MYO3A: variants seen among roughly 807,000 people sequenced by gnomAD.
MYO3A encodes myosin-IIIa.
A neutral mutation model predicts 192.7 loss-of-function variants in MYO3A; 180 were observed. The ratio of observed to expected loss-of-function variants is 0.93; its 90% confidence interval spans 0.83 to 1.06. The LOEUF (loss-of-function observed/expected upper bound fraction) is 1.06, where lower values mean the gene tolerates loss of function less well. Ranked by LOEUF, MYO3A falls within the 50% of genes least tolerant of loss-of-function variation. The probability of loss-of-function intolerance (pLI) is 0.00; values close to 1 mark genes in which losing one functional copy is unlikely to be tolerated. For synonymous variants in MYO3A, 628 were observed against 645.3 expected (o/e 0.97, Z 0.41); for missense variants, 1,896 against 1,905.0 (o/e 1.00, Z 0.09).
In MYO3A at chr10:26,128,426, A is replaced by C; in HGVS notation, c.2150A>C (p.Asp717Ala). The C allele has an allele frequency of 6.2e-7, 1 of 1,613,142 alleles. No individual in the cohort carries two copies. Among genetic ancestry groups the C allele is most frequent in the Non-Finnish European group, 8.5e-7 (1 of 1,179,330 alleles). Reference sequence around the variant, plus strand: ...GATGAGCTGAGCATTGGCATTCTTGATATATTTGGCTTTGAAAATTTCAAA... The same window carrying C: ...GATGAGCTGAGCATTGGCATTCTTGCTATATTTGGCTTTGAAAATTTCAAA... Reference protein sequence around the residue: ...NGDELSIGILDIFGFENFKKN... With the variant: ...NGDELSIGILAIFGFENFKKN... Residue 717 changes from aspartate to alanine, a missense_variant, in exon 20 of 35, where the codon GAT (aspartate) becomes GCT (alanine). Transcript: ENST00000642920.
At chr10:26,124,412 A>T (rs929270781) in intron 18 of MYO3A, among the ~76,000 whole-genome samples, 1 of 152,170 alleles carries the variant, frequency 6.6e-6, no homozygotes, top group Non-Finnish European at 1.5e-5. Context: ...AAAATGGGAA[A>T]TGCATAAGAT....
At chr10:26,195,355 A>G (rs1479843018) in intron 32 of MYO3A, among the ~76,000 whole-genome samples, 2 of 152,150 alleles carry the variant, frequency 1.3e-5, no homozygotes, top group South Asian at 2.1e-4. Context: ...CCAGGCCAGC[A>G]TGTCTTGTCA....
intron 10 of MYO3A, among the ~76,000 whole-genome samples, chr10:26,052,543 G>A (rs1844064606): frequency 6.6e-6 from 1 of 152,180 alleles, no homozygotes; most frequent in South Asian, 2.1e-4. Context: ...GGCACACCAG[G>A]GAGAGCCTGT....
intron 31 of MYO3A, among the ~76,000 whole-genome samples, chr10:26,181,408 A>G (rs1842611950): frequency 6.6e-6 from 1 of 152,220 alleles, no homozygotes; most frequent in Non-Finnish European, 1.5e-5. Flanking sequence ...GAGATTCCAA[A>G]GCATGATTAA....
At chr10:26,070,463 A>G (rs1835141185) in intron 14 of MYO3A, 62 bp downstream of exon 14, 1 of 1,350,374 alleles carries the variant, frequency 7.4e-7, no homozygotes. Context: ...AACTTAATAT[A>G]ACTGATTAGA....
chr10:26,008,078 G>A (rs1432704234), intron 6 of MYO3A, among the ~76,000 whole-genome samples: 5 of 148,712 alleles, frequency 3.4e-5, no homozygotes, highest in East Asian at 1.9e-4. Context: ...AAATAACGCC[G>A]CATATCTACA....
At chr10:25,977,330 G>A (rs1449142010) in intron 4 of MYO3A, among the ~76,000 whole-genome samples, 3 of 152,184 alleles carry the variant, frequency 2.0e-5, no homozygotes, top group Middle Eastern at 6.8e-3. Context: ...CTAAACCACT[G>A]ATCCTACTTT....
chr10:26,078,095 G>T (rs1389150844), intron 14 of MYO3A, among the ~76,000 whole-genome samples: 1 of 146,802 alleles, frequency 6.8e-6, no homozygotes, highest in East Asian at 1.9e-4. Flanking sequence ...TTTAATGTCT[G>T]GTAGAATTCT....
At chr10:26,207,382 A>G (rs1381684268) in intron 34 of MYO3A, among the ~76,000 whole-genome samples, 1 of 151,854 alleles carries the variant, frequency 6.6e-6, no homozygotes, top group Non-Finnish European at 1.5e-5. Flanking sequence ...ATTTTCTTCT[A>G]GTTTTGCAGT....
chr10:26,112,763 C>T (rs1335669453), intron 17 of MYO3A, among the ~76,000 whole-genome samples: 1 of 152,188 alleles, frequency 6.6e-6, no homozygotes, highest in Non-Finnish European at 1.5e-5. Context: ...TTCAGATATT[C>T]TCTAAAAATA....
intron 27 of MYO3A, among the ~76,000 whole-genome samples, chr10:26,167,957 CA>C: frequency 6.6e-6 from 1 of 152,210 alleles, no homozygotes; most frequent in East Asian, 1.9e-4. Flanking sequence ...AAAAGGAAAA[CA>C]AACAAAAAAC....
intron 14 of MYO3A, 45 bp from the exon 15 acceptor site, chr10:26,088,158 T>C (rs1205048971): frequency 7.0e-7 from 1 of 1,430,128 alleles, no homozygotes; most frequent in South Asian, 1.3e-5. Flanking sequence ...ATATACCAAA[T>C]TAATTTTTTA....
intron 17 of MYO3A, 84 bp downstream of exon 17, chr10:26,096,766 A>G: frequency 1.1e-6 from 1 of 913,426 alleles, no homozygotes. Flanking sequence ...AGTGATTAAT[A>G]TATACCAGCA....
At chr10:26,091,261 C>T (rs1054064935) in intron 15 of MYO3A, among the ~76,000 whole-genome samples, 8 of 152,150 alleles carry the variant, frequency 5.3e-5, no homozygotes, top group African/African-American at 1.9e-4. Flanking sequence ...GTTTTTGCCT[C>T]TGGCGATGTC....
At chr10:26,158,035 C>T (rs1841252033) in intron 26 of MYO3A, among the ~76,000 whole-genome samples, 2 of 152,116 alleles carry the variant, frequency 1.3e-5, no homozygotes, top group Admixed American at 1.3e-4. Context: ...CAAATCTCAA[C>T]AGTGCTGAGG....
At chr10:25,958,500 A>C (rs187698871) in intron 4 of MYO3A, among the ~76,000 whole-genome samples, 7 of 148,898 alleles carry the variant, frequency 4.7e-5, no homozygotes, top group Non-Finnish European at 8.8e-5. Flanking sequence ...GTAGCCCTGT[A>C]GTATAGTTTG....
At chr10:26,135,335 G>T (rs61284099) in intron 20 of MYO3A, among the ~76,000 whole-genome samples, 1 of 151,478 alleles carries the variant, frequency 6.6e-6, no homozygotes, top group East Asian at 1.9e-4. Context: ...TAATCTATTA[G>T]ATTATTAGGT....
chr10:26,176,500 A>T (rs1842341467), intron 30 of MYO3A, among the ~76,000 whole-genome samples: 1 of 152,164 alleles, frequency 6.6e-6, no homozygotes, highest in Non-Finnish European at 1.5e-5. Context: ...AAAATGTGAG[A>T]TGGCAAGTAT....
At chr10:25,974,658 C>A (rs1838867824) in intron 4 of MYO3A, among the ~76,000 whole-genome samples, 1 of 152,186 alleles carries the variant, frequency 6.6e-6, no homozygotes. Flanking sequence ...CAGACTCCTA[C>A]TGTTCTAACT....
Sources: allele counts gnomAD v4.1 joint callset (sites outside exome capture counted in the v4.1 genomes callset), GRCh38; gene constraint gnomAD v4.1.1; transcripts MANE v1.5; gene names NCBI Gene and HGNC (gene_info 2026-07-23, HGNC 2026-07-21).